The following RBFOX1 variants were observed in gnomAD, a reference collection of about 807,000 sequenced individuals.
RBFOX1 encodes RNA binding protein fox-1 homolog 1.
In RBFOX1, 8 loss-of-function variants were observed where a neutral mutation model predicts 57.7. That is an observed-to-expected ratio of 0.14 (90% CI 0.08 to 0.25). The LOEUF (loss-of-function observed/expected upper bound fraction) is 0.25. Among genes scored for constraint, RBFOX1 ranks in the 10% least tolerant of loss-of-function variants. The pLI is 1.00. For synonymous variants in RBFOX1, 326 were observed against 222.4 expected (o/e 1.47, Z -4.15); for missense variants, 611 against 548.5 (o/e 1.11, Z -1.14).
At chr16:5,547,566 G>A (rs2045263374) in intron 2 of RBFOX1, among the ~76,000 whole-genome samples, 1 of 152,170 alleles carries the variant, frequency 6.6e-6, no homozygotes, top group African/African-American at 2.4e-5. Flanking sequence ...AATCTATAGT[G>A]ACAGAAAGCA....
At chr16:7,127,245 C>G (rs1170788172) in intron 4 of RBFOX1, among the ~76,000 whole-genome samples, 2 of 152,130 alleles carry the variant, frequency 1.3e-5, no homozygotes, top group Non-Finnish European at 2.9e-5. Context: ...CCATACTTTC[C>G]TGTATCCATG....
intron 4 of RBFOX1, among the ~76,000 whole-genome samples, chr16:7,437,796 T>C (rs1321911658): frequency 6.6e-6 from 1 of 151,336 alleles, no homozygotes. Flanking sequence ...GGCAAACGAA[T>C]ACAGATTTAG....
Position 6,517,296 on chromosome 16 carries a change from A to G in RBFOX1, c.-63-137307A>G, listed in dbSNP as rs560147181. On this transcript the variant is annotated intron_variant, in intron 2 of 15. Coordinates refer to ENST00000550418, the MANE Select transcript of RBFOX1 (RefSeq NM_018723.4). ...ATTCAGTTTGCTCTAATCCAGACAT[A>G]ACTGTTCTCCCTTCACCTTTAGTAT... Among the ~76,000 whole-genome samples, 78 of 152,280 alleles carry G rather than the reference A, an allele frequency of 5.1e-4. 1 individual carries two copies. The highest frequency in any genetic ancestry group is 1.6e-3 in the African/African-American group (68 of 41,564).
At chr16:6,667,330 CT>C (rs1416940675) in intron 3 of RBFOX1, among the ~76,000 whole-genome samples, 2 of 151,996 alleles carry the variant, frequency 1.3e-5, no homozygotes, top group Non-Finnish European at 2.9e-5. Context: ...TTCAGTCACC[CT>C]TGAAGCTGGC....
chr16:6,511,597 A>G (rs2096255868), intron 2 of RBFOX1, among the ~76,000 whole-genome samples: 1 of 152,216 alleles, frequency 6.6e-6, no homozygotes. Context: ...TAGTCCTCAT[A>G]CATAATTGCC....
chr16:6,086,723 A>C (rs1429948644), intron 1 of RBFOX1, among the ~76,000 whole-genome samples: 1 of 152,218 alleles, frequency 6.6e-6, no homozygotes, highest in African/African-American at 2.4e-5. Flanking sequence ...GGATGGAAAC[A>C]TGTGGCTAAG....
chr16:6,252,702 A>C (rs1598835592), intron 1 of RBFOX1, among the ~76,000 whole-genome samples: 1 of 152,170 alleles, frequency 6.6e-6, no homozygotes, highest in East Asian at 1.9e-4. Flanking sequence ...TGGCTTTGTA[A>C]ATTTGCAACA....
At chr16:6,713,865 G>A (rs2064214782) in intron 3 of RBFOX1, among the ~76,000 whole-genome samples, 1 of 152,118 alleles carries the variant, frequency 6.6e-6, no homozygotes, top group Non-Finnish European at 1.5e-5. Flanking sequence ...TAAGACTTGG[G>A]GACTGATAGC....
chr16:6,922,615 C>A (rs559791433), intron 3 of RBFOX1, among the ~76,000 whole-genome samples: 1 of 152,120 alleles, frequency 6.6e-6, no homozygotes, highest in Non-Finnish European at 1.5e-5. Context: ...CTTTTACTTG[C>A]TGACTGTTGA....
Position 6,337,341 on chromosome 16 carries a change from G to A in RBFOX1, c.-64+20284G>A, listed in dbSNP as rs1008213241. Reference sequence around the variant, plus strand: ...TCCCAACAGGGATGGCTTCTTAGCAGCGAATATGGGGTGAGTAATTTGAAT... The same window carrying A: ...TCCCAACAGGGATGGCTTCTTAGCAACGAATATGGGGTGAGTAATTTGAAT... On this transcript the variant is annotated intron_variant, in intron 2 of 15. Transcript: ENST00000550418. Among the ~76,000 whole-genome samples, 3 of 152,178 alleles carry A rather than the reference G, an allele frequency of 2.0e-5. No individual in the cohort carries two copies. In the East Asian group the frequency reaches 5.8e-4, roughly 29 times the overall value.
chr16:7,214,909 T>A (rs2091776944), intron 4 of RBFOX1, among the ~76,000 whole-genome samples: 1 of 152,206 alleles, frequency 6.6e-6, no homozygotes, highest in Non-Finnish European at 1.5e-5. Context: ...TTTATTTTAC[T>A]TTAAGTTCTC....
At chr16:7,651,754 T>A (rs995482993) in intron 11 of RBFOX1, among the ~76,000 whole-genome samples, 2 of 152,326 alleles carry the variant, frequency 1.3e-5, no homozygotes, top group South Asian at 4.1e-4. Flanking sequence ...TTGTGCTGGG[T>A]TAACTAAGAG....
At chr16:7,187,227 A>G (rs549258614) in intron 4 of RBFOX1, among the ~76,000 whole-genome samples, 27 of 152,078 alleles carry the variant, frequency 1.8e-4, no homozygotes, top group Non-Finnish European at 2.4e-4. Flanking sequence ...AAGTACTGAA[A>G]TCATATGTAA....
At chr16:5,920,683 C>T (rs1208490648) in intron 4 of RBFOX1, among the ~76,000 whole-genome samples, 1 of 152,130 alleles carries the variant, frequency 6.6e-6, no homozygotes, top group Non-Finnish European at 1.5e-5. Context: ...GGAGCGTGCC[C>T]AGGTAGGATC....
chr16:7,208,510 G>A (rs912269328), intron 4 of RBFOX1, among the ~76,000 whole-genome samples: 1 of 152,122 alleles, frequency 6.6e-6, no homozygotes, highest in African/African-American at 2.4e-5. Flanking sequence ...GGGGAAGCAA[G>A]AGATAGTGGG....
At chr16:6,971,346 G>C (rs979377526) in intron 3 of RBFOX1, among the ~76,000 whole-genome samples, 1 of 152,136 alleles carries the variant, frequency 6.6e-6, no homozygotes, top group Non-Finnish European at 1.5e-5. Context: ...GAGCAATCCA[G>C]GCAGCAGGAA....
intron 4 of RBFOX1, among the ~76,000 whole-genome samples, chr16:7,301,355 G>C (rs1368513241): frequency 6.6e-6 from 1 of 152,210 alleles, no homozygotes; most frequent in Non-Finnish European, 1.5e-5. Flanking sequence ...GTTATCCAGA[G>C]AGCAGAGCCC....
intron 1 of RBFOX1, among the ~76,000 whole-genome samples, chr16:5,290,735 G>C (rs1346254505): frequency 6.6e-6 from 1 of 150,640 alleles, no homozygotes. Context: ...TTTAGCTCTT[G>C]ACGCCTAGGC....
chr16:7,510,405 G>A (rs1269385737), intron 4 of RBFOX1: 23 of 920,700 alleles, frequency 2.5e-5, no homozygotes, highest in Non-Finnish European at 3.0e-5. Context: ...CGTGCTGTCG[G>A]TGACACGTAG....
Sources: gnomAD v4.1 joint callset for allele counts (sites outside exome capture counted in the v4.1 genomes callset) on GRCh38, gnomAD v4.1.1 for gene constraint, MANE v1.5 for transcripts, NCBI Gene and HGNC (gene_info 2026-07-23, HGNC 2026-07-21) for gene names.